Variants in ATG2A observed in about 807,000 individuals in gnomAD.
ATG2A encodes the protein autophagy related 2A.
ATG2A carries 103 observed loss-of-function variants against 214.2 expected under a neutral mutation model. The ratio of observed to expected loss-of-function variants is 0.48; its 90% confidence interval spans 0.41 to 0.57. The LOEUF is 0.57. ATG2A is among the 20% of genes least tolerant of loss of function. ATG2A has a pLI of 0.00. For synonymous variants in ATG2A, 1,160 were observed against 1,142.1 expected, an observed-to-expected ratio of 1.02 and a Z score of -0.32; for missense variants, 2,312 against 2,613.2, an observed-to-expected ratio of 0.88 and a Z score of 2.51.
In ATG2A at chr11:64,907,733, G is replaced by A; in HGVS notation, c.2507+15C>T. ...CCCAGTGTCCAGTCCCGCCCTGCTGGCCCCGGGTCTCCACCTGTTGTAGAT... is the reference window on the plus strand; with the variant it reads ...CCCAGTGTCCAGTCCCGCCCTGCTGACCCCGGGTCTCCACCTGTTGTAGAT... On this transcript the variant is annotated intron_variant, in intron 17 of 40. Coordinates refer to ENST00000377264, the MANE Select transcript of ATG2A (RefSeq NM_015104.3). The A allele has an allele frequency of 6.2e-7, 1 of 1,612,742 alleles. No individual in the cohort carries two copies. The highest frequency in any genetic ancestry group is 8.5e-7 in the Non-Finnish European group (1 of 1,179,798).
At position 64,913,292 on chromosome 11, in the gene ATG2A, GGCGGACCCCTGCCA is replaced by G; in HGVS notation, c.686_699del (p.Leu229ProfsTer36). 6.2e-7 allele frequency: 1 copy of G among 1,610,912 alleles called. No homozygotes were observed. Among genetic ancestry groups the G allele is most frequent in the Non-Finnish European group, 8.5e-7 (1 of 1,179,414 alleles). On this transcript the variant is annotated frameshift_variant, in exon 5 of 41. Transcript: ENST00000377264. LOFTEE classifies it high-confidence loss of function. This position sits in a 1 kb window ranked among gnomAD's most constrained non-coding sequence, Gnocchi z 4.3. Reference sequence around the variant, plus strand: ...TGTGCCGGGAGCTCCTCGTAGTGCAGGCGGACCCCTGCCAGCTGCAGCAGCTTGTGCAGGAAGGC... The same window carrying G: ...TGTGCCGGGAGCTCCTCGTAGTGCAGGCTGCAGCAGCTTGTGCAGGAAGGC...
Position 64,902,058 on chromosome 11 carries a change from T to C in ATG2A, c.4023A>G (p.Ser1341=). ...CTTCCCTTTCATCTTCCTTCTCCTC[T>C]GAGCATGACCCTAAGCTGCCAGCAG... ...GGPAGSLGSC[S]EEKEDEREEE... is the part of the protein sequence containing the mutation. Residue 1341 remains serine, a synonymous_variant, in exon 29 of 41, where the codon TCA becomes TCG. Coordinates refer to ENST00000377264, the MANE Select transcript of ATG2A (RefSeq NM_015104.3). 1 of 1,614,046 alleles carries C rather than the reference T, an allele frequency of 6.2e-7. No individual in the cohort carries two copies. The highest frequency in any genetic ancestry group is 8.5e-7 in the Non-Finnish European group (1 of 1,180,018).
chr11:64,916,005 C>T (rs905349069), intron 1 of ATG2A, among the ~76,000 whole-genome samples: 4 of 152,188 alleles, frequency 2.6e-5, no homozygotes, highest in African/African-American at 9.7e-5. Context: ...CTCTTCTGCC[C>T]AGATTAGCAG....
At chr11:64,908,753 T>C (rs1944650124) in intron 16 of ATG2A, among the ~76,000 whole-genome samples, 1 of 152,150 alleles carries the variant, frequency 6.6e-6, no homozygotes, top group Non-Finnish European at 1.5e-5. Flanking sequence ...GGACCTGATC[T>C]TTCCAATCGA....
Position 64,913,987 on chromosome 11 carries a change from C to G in ATG2A, c.488-64G>C, listed in dbSNP as rs906681021. ...GCAAAGGGGAGGCAGAATTTCCCAT[C>G]TGGGCACCAGGGTGGCCGTGCCGTT... is the stretch of plus-strand genomic sequence containing the variant. On this transcript the variant is annotated intron_variant, in intron 3 of 40. Coordinates refer to ENST00000377264, the MANE Select transcript of ATG2A (RefSeq NM_015104.3). The surrounding 1 kb of genome is among the most constrained non-coding windows in gnomAD (Gnocchi z 4.3). 6 of 1,585,404 alleles carry G rather than the reference C, an allele frequency of 3.8e-6. No homozygotes were observed. The highest frequency in any genetic ancestry group is 1.8e-5 in the Admixed American group (1 of 55,364).
chr11:64,903,671 A>T lies in ATG2A; in HGVS notation c.3465-11T>A. On this transcript the variant is annotated splice_polypyrimidine_tract_variant and intron_variant, in intron 24 of 40. Coordinates refer to ENST00000377264, the MANE Select transcript of ATG2A (RefSeq NM_015104.3). The surrounding 1 kb of genome is among the most constrained non-coding windows in gnomAD (Gnocchi z 4.2). Reference sequence around the variant, plus strand: ...TCATCGAGGATGAACCTGGGGGGGAACAGGGCTGAGAAGGGCCCGGGCACC... The same window carrying T: ...TCATCGAGGATGAACCTGGGGGGGATCAGGGCTGAGAAGGGCCCGGGCACC... 1 of 1,548,748 alleles carries T rather than the reference A, an allele frequency of 6.5e-7. No homozygotes were observed. Among genetic ancestry groups the T allele is most frequent in the Non-Finnish European group, 8.7e-7 (1 of 1,145,674 alleles).
chr11:64,897,831 C>G lies in ATG2A; in HGVS notation c.4994+8G>C, dbSNP rs753369780. On this transcript the variant is annotated splice_region_variant and intron_variant, in intron 35 of 40. Coordinates refer to ENST00000377264, the MANE Select transcript of ATG2A (RefSeq NM_015104.3). ...CCAGGGCCCCCCACCCGCAGTCCAG[C>G]AGCCTACCTGAAGTAGATGGGCTGC... 1 of 1,611,690 alleles carries G rather than the reference C, an allele frequency of 6.2e-7. No individual in the cohort carries two copies. Among genetic ancestry groups the G allele is most frequent in the Admixed American group, 1.7e-5 (1 of 59,896 alleles).
chr11:64,913,653 C>T lies in ATG2A; in HGVS notation c.590+168G>A. The T allele has an allele frequency of 1.2e-6, 1 of 800,882 alleles. No homozygotes were observed. Among genetic ancestry groups the T allele is most frequent in the Non-Finnish European group, 1.9e-6 (1 of 512,882 alleles). The allele number at this position is 800,882 out of a possible 1,614,324, so 49.6% of individuals were successfully genotyped here. ...GGGCCTGTATCACCTGGCCTCTGGA[C>T]ACCAGTCCGGGCTCACGATGCAGCC... On this transcript the variant is annotated intron_variant, in intron 4 of 40. Transcript: ENST00000377264. This position sits in a 1 kb window ranked among gnomAD's most constrained non-coding sequence, Gnocchi z 4.3.
rs1296144609 is a variant in ATG2A, at chr11:64,898,306, G to A, written c.4728C>T (p.Cys1576=). ...APTTNLGGPE[C]CLRVSLMPLR... is the part of the protein sequence containing the mutation. ...GGGGCATCAGCGAGACGCGGAGACA[G>A]CACTCAGGCCCACCCAGGTTGGTAG... Residue 1576 remains cysteine (C), a synonymous_variant, in exon 33 of 41, where the codon TGC becomes TGT. Transcript: ENST00000377264. This position sits in a 1 kb window ranked among gnomAD's most constrained non-coding sequence, Gnocchi z 4.5. 6.2e-7 allele frequency: 1 copy of A among 1,612,756 alleles called. No individual in the cohort carries two copies.
At position 64,907,834 on chromosome 11, in the gene ATG2A, T is replaced by G. The variant is rs377235271; in HGVS notation, c.2421A>C (p.Ala807=). ...EMRTFQSRTL[A]LSRCSLEVIL... ...TCACTTCCAGGCTGCAGCGGGACAG[T>G]GCCAGGGTCCGGCTCTGGAACGTCC... is the stretch of plus-strand genomic sequence containing the variant. The change falls in exon 17 of 41, where the codon GCA becomes GCC. Residue 807 remains alanine, a synonymous_variant. Transcript: ENST00000377264. 18 of 1,613,260 alleles carry G rather than the reference T, an allele frequency of 1.1e-5. No individual in the cohort carries two copies. Among genetic ancestry groups the G allele is most frequent in the Non-Finnish European group, 1.5e-5 (18 of 1,179,952 alleles).
At position 64,909,752 on chromosome 11, in the gene ATG2A, C is replaced by A. The variant is rs201771874; in HGVS notation, c.2036G>T (p.Arg679Leu). The A allele has an allele frequency of 6.1e-5, 99 of 1,612,866 alleles. No individual in the cohort carries two copies. The highest frequency in any genetic ancestry group is 8.0e-5 in the Non-Finnish European group (94 of 1,180,016). The stretch of plus-strand genomic sequence containing the variant: ...ACCAGGCCCACTGCTAAGCTCTGAC[C>A]GGAACTGGGGCTCACTCAGCTCCAG... ...LRLELSEPQF[R>L]SELSSGPGPP... The change falls in exon 14 of 41, where the codon CGG becomes CTG. Residue 679 changes from arginine (R) to leucine (L), a missense_variant. Transcript: ENST00000377264.
rs774668473 is a variant in ATG2A, at chr11:64,912,150, C to T, written c.1022G>A (p.Gly341Glu). The change falls in exon 8 of 41, where the codon GGG (glycine) becomes GAG (glutamate). Residue 341 changes from glycine to glutamate, a missense_variant. By Grantham distance (98) the Gly-to-Glu change is moderately conservative (BLOSUM62 -2). Transcript: ENST00000377264. ...TGGGCTGAGGGGCTCAGCCACTGCC[C>T]CTGCCTGCAGCTGCTGGTTCAGGTC... Reference protein sequence around the residue: ...EQDLNQQLQAGAVAEPLSPDP... With the variant: ...EQDLNQQLQAEAVAEPLSPDP... 1.2e-6 allele frequency: 2 copies of T among 1,613,904 alleles called. No individual in the cohort carries two copies. The highest frequency in any genetic ancestry group is 1.3e-5 in the African/African-American group (1 of 74,938).
rs1944080351 is a variant in ATG2A, at chr11:64,894,568, C to T, written c.*405G>A. 2.1e-6 allele frequency: 1 copy of T among 478,014 alleles called. No individual in the cohort carries two copies. Among genetic ancestry groups the T allele is most frequent in the African/African-American group, 2.0e-5 (1 of 50,918 alleles). 29.6% of individuals were successfully genotyped at this position (478,014 alleles called of 1,614,324 possible). A position where few individuals can be genotyped will look rare whatever the true frequency, so the allele number is the denominator to read the frequency against. On this transcript the variant is annotated 3_prime_UTR_variant, in exon 41 of 41. Transcript: ENST00000377264. The stretch of plus-strand genomic sequence containing the variant: ...GGCTGGCGGTGGGCAGTTTATTCCA[C>T]TTCATGCAGACACTGACCCACGCAC...
intron 16 of ATG2A, among the ~76,000 whole-genome samples, chr11:64,908,531 G>A (rs1035610509): frequency 7.9e-5 from 12 of 151,066 alleles, no homozygotes; most frequent in East Asian, 3.9e-4. Flanking sequence ...CAGCCTCGGC[G>A]ACACAGCAAA....
At position 64,895,378 on chromosome 11, in the gene ATG2A, T is replaced by A. The variant is rs140343176; in HGVS notation, c.5492A>T (p.Asp1831Val). ...GCGCAGCCTCCGCGCAGAGCGCTTATCCTGCAGGGAGCGGGAGACGGGGGC... is the reference window on the plus strand; with the variant it reads ...GCGCAGCCTCCGCGCAGAGCGCTTAACCTGCAGGGAGCGGGAGACGGGGGC... ...PAAPVSRSLQDKRSARRLRRG... is the reference protein window; with the variant it reads ...PAAPVSRSLQVKRSARRLRRG... Residue 1831 changes from aspartate (D) to valine (V), a missense_variant, in exon 40 of 41, where the codon GAT becomes GTT. Transcript: ENST00000377264. This position sits in a 1 kb window ranked among gnomAD's most constrained non-coding sequence, Gnocchi z 5.0. 2.0e-4 allele frequency: 324 copies of A among 1,612,328 alleles called. No individual in the cohort carries two copies. The highest frequency in any genetic ancestry group is 2.6e-4 in the Non-Finnish European group (305 of 1,179,406).
Position 64,898,852 on chromosome 11 carries a change from G to A in ATG2A, c.4465-10C>T. On this transcript the variant is annotated splice_polypyrimidine_tract_variant and intron_variant, in intron 31 of 40. Transcript: ENST00000377264. This position sits in a 1 kb window ranked among gnomAD's most constrained non-coding sequence, Gnocchi z 4.5. ...CGTGCTGGAAGCTTACCTGTGGGGTGGACAGAGGCCTGGCCAGGTAAGCAG... is the reference window on the plus strand; with the variant it reads ...CGTGCTGGAAGCTTACCTGTGGGGTAGACAGAGGCCTGGCCAGGTAAGCAG... The A allele has an allele frequency of 1.2e-6, 2 of 1,605,084 alleles. No homozygotes were observed. Among genetic ancestry groups the A allele is most frequent in the Non-Finnish European group, 1.7e-6 (2 of 1,178,948 alleles).
At chr11:64,904,864 G>C (rs374788909) in intron 24 of ATG2A, among the ~76,000 whole-genome samples, 5 of 146,658 alleles carry the variant, frequency 3.4e-5, no homozygotes, top group Admixed American at 6.8e-5. Context: ...ATCTATCTAT[G>C]TATTTATTTG....
intron 1 of ATG2A, among the ~76,000 whole-genome samples, chr11:64,914,882 G>A (rs1289948007): frequency 6.7e-6 from 1 of 149,856 alleles, no homozygotes; most frequent in East Asian, 1.9e-4. Context: ...GTGAGCAGGT[G>A]CTTGGGGGTG....
chr11:64,898,763 G>C lies in ATG2A; in HGVS notation c.4544C>G (p.Pro1515Arg). 1 of 1,613,868 alleles carries C rather than the reference G, an allele frequency of 6.2e-7. No homozygotes were observed. The highest frequency in any genetic ancestry group is 1.3e-5 in the African/African-American group (1 of 75,048). The change falls in exon 32 of 41, where the codon CCG (proline) becomes CGG (arginine). Residue 1515 changes from proline (P) to arginine (R), a missense_variant. Coordinates refer to ENST00000377264, the MANE Select transcript of ATG2A (RefSeq NM_015104.3). The surrounding 1 kb of genome is among the most constrained non-coding windows in gnomAD (Gnocchi z 4.5). ...CACGATGAACACCTGACGGGACAGC[G>C]GTCGCTCCTCCAGCTCCTGGCTGGG... ...AAPSQELEER[P>R]LSRQVFIVQE...
Sources: gnomAD v4.1 joint callset for allele counts (sites outside exome capture counted in the v4.1 genomes callset) on GRCh38, gnomAD v4.1.1 for gene constraint, Gnocchi (gnomAD v3.1) non-coding constraint, MANE v1.5 for transcripts, NCBI Gene and HGNC (gene_info 2026-07-23, HGNC 2026-07-21) for gene names.